Variants in XKR4 observed in about 807,000 individuals in gnomAD.
XKR4 encodes the protein XK-related protein 4.
Under a neutral mutation model 53.9 loss-of-function variants are expected in XKR4, and 12 were observed. That is an observed-to-expected ratio of 0.22 (90% CI 0.14 to 0.36). The LOEUF (loss-of-function observed/expected upper bound fraction) is 0.36, where lower values mean the gene tolerates loss of function less well. XKR4 is among the 10% of genes least tolerant of loss of function. The pLI, the probability that XKR4 is intolerant of heterozygous loss-of-function variation, is 1.00. For synonymous variants in XKR4, 354 were observed against 362.4 expected (o/e 0.98, Z 0.26); for missense variants, 799 against 859.5 (o/e 0.93, Z 0.88).
At chr8:55,269,588 G>A (rs1456536313) in intron 1 of XKR4, among the ~76,000 whole-genome samples, 1 of 152,100 alleles carries the variant, frequency 6.6e-6, no homozygotes, top group Non-Finnish European at 1.5e-5. Flanking sequence ...AATGAAGGGA[G>A]GAGGGATTAT....
chr8:55,164,326 A>C lies in XKR4; in HGVS notation c.806+61032A>C, dbSNP rs2291184. On this transcript the variant is annotated intron_variant, in intron 1 of 2. Transcript: ENST00000327381. ...GATGCTGTCAGCTATTGCTATTTGG[A>C]GGGTGAGATGACCCCTGAGTAGAAA... 7 of 454,572 alleles carry C rather than the reference A, an allele frequency of 1.5e-5. No homozygotes were observed. The East Asian group carries it at 4.9e-4, about 32-fold the overall frequency. The allele number at this position is 454,572 out of a possible 1,614,324, so 28.2% of individuals were successfully genotyped here.
chr8:55,232,046 G>A (rs1360456351), intron 1 of XKR4, among the ~76,000 whole-genome samples: 1 of 152,196 alleles, frequency 6.6e-6, no homozygotes, highest in Admixed American at 6.5e-5. Flanking sequence ...GCTCCTAAAA[G>A]AAAGACATGG....
At chr8:55,347,301 C>A (rs1320693916) in intron 1 of XKR4, among the ~76,000 whole-genome samples, 1 of 152,272 alleles carries the variant, frequency 6.6e-6, no homozygotes. Flanking sequence ...AATTTAAATG[C>A]AATTTACATG....
intron 2 of XKR4, among the ~76,000 whole-genome samples, chr8:55,468,291 C>T (rs1193237085): frequency 1.3e-5 from 2 of 152,060 alleles, no homozygotes; most frequent in East Asian, 1.9e-4. Context: ...CAGGACGCAG[C>T]GTGTCAACTT....
chr8:55,435,891 C>T (rs2622598), intron 2 of XKR4, among the ~76,000 whole-genome samples: 49,089 of 151,900 alleles, frequency 0.32, 8,068 homozygotes, highest in African/African-American at 0.37. Flanking sequence ...AAGTTAGCTG[C>T]CCTGAAACCC....
intron 1 of XKR4, among the ~76,000 whole-genome samples, chr8:55,323,705 C>A (rs1349440267): frequency 2.0e-5 from 3 of 152,100 alleles, no homozygotes; most frequent in Non-Finnish European, 4.4e-5. Flanking sequence ...GTGTAAATAC[C>A]AAGAAGTGGG....
intron 1 of XKR4, chr8:55,164,142 A>G (rs1386088012): frequency 2.2e-6 from 1 of 455,394 alleles, no homozygotes; most frequent in Non-Finnish European, 4.4e-6. Flanking sequence ...CCAGCCCTAC[A>G]GGAGTTTGCT....
At chr8:55,421,128 A>G (rs1804922523) in intron 2 of XKR4, among the ~76,000 whole-genome samples, 1 of 152,232 alleles carries the variant, frequency 6.6e-6, no homozygotes, top group South Asian at 2.1e-4. Flanking sequence ...CTCTCTTCTA[A>G]TAATAATAGT....
At chr8:55,156,571 C>T (rs1563470511) in intron 1 of XKR4, among the ~76,000 whole-genome samples, 1 of 152,054 alleles carries the variant, frequency 6.6e-6, no homozygotes, top group Non-Finnish European at 1.5e-5. Context: ...TTGGCGATAA[C>T]TGAAGAAATG....
At chr8:55,443,529 TTAAAA>T (rs1805299889) in intron 2 of XKR4, among the ~76,000 whole-genome samples, 1 of 30,132 alleles carries the variant, frequency 3.3e-5, no homozygotes, top group Non-Finnish European at 6.5e-5. Flanking sequence ...ATCAGTTACA[TTAAAA>T]AAAAAAAAAA....
chr8:55,279,976 G>A (rs961224862), intron 1 of XKR4, among the ~76,000 whole-genome samples: 7 of 152,234 alleles, frequency 4.6e-5, no homozygotes, highest in African/African-American at 1.2e-4. Flanking sequence ...CATTGTTCTC[G>A]AAGAGATACA....
chr8:55,133,346 A>G (rs1490570612), intron 1 of XKR4, among the ~76,000 whole-genome samples: 1 of 152,238 alleles, frequency 6.6e-6, no homozygotes, highest in African/African-American at 2.4e-5. Flanking sequence ...TTGCACAGGA[A>G]TGTGGATAAA....
At chr8:55,343,109 G>T (rs757593302) in intron 1 of XKR4, among the ~76,000 whole-genome samples, 5 of 152,180 alleles carry the variant, frequency 3.3e-5, no homozygotes, top group Non-Finnish European at 7.4e-5. Context: ...TTCTCGAGAA[G>T]GGCTCTGCAT....
At chr8:55,445,391 G>A (rs1046163134) in intron 2 of XKR4, among the ~76,000 whole-genome samples, 1 of 152,078 alleles carries the variant, frequency 6.6e-6, no homozygotes, top group Non-Finnish European at 1.5e-5. Context: ...ATGTTGGGTG[G>A]GAGAGGCAAA....
intron 1 of XKR4, among the ~76,000 whole-genome samples, chr8:55,162,773 A>G (rs78013402): frequency 0.031 from 4,738 of 152,206 alleles, 245 homozygotes; most frequent in African/African-American, 0.11. Context: ...TATTTAAACT[A>G]CTTGGTTAGA....
At chr8:55,362,609 C>T (rs1232063043) in intron 2 of XKR4, among the ~76,000 whole-genome samples, 1 of 152,206 alleles carries the variant, frequency 6.6e-6, no homozygotes, top group Non-Finnish European at 1.5e-5. Flanking sequence ...CCATGTCTGT[C>T]TAAATGACGC....
At chr8:55,182,302 C>CACACTTTGGGTGCATTTCTTTTATGGATT (rs1191920123) in intron 1 of XKR4, among the ~76,000 whole-genome samples, 1 of 151,972 alleles carries the variant, frequency 6.6e-6, no homozygotes, top group African/African-American at 2.4e-5. Context: ...TTTTATGGAT[C>CACACTTTGGGTGCATTTCTTTTATGGATT]ACACTTTGGG....
chr8:55,418,829 T>C (rs940982348), intron 2 of XKR4, among the ~76,000 whole-genome samples: 1 of 151,818 alleles, frequency 6.6e-6, no homozygotes, highest in African/African-American at 2.4e-5. Context: ...AAAGTCGCCT[T>C]CTCATCACGA....
rs1563375739 is a variant in XKR4 at position 55,534,767 on chromosome 8, G to GC, written c.*10540_*10541insC. 7.2e-6 allele frequency: 1 copy of GC among 138,280 alleles called. No individual in the cohort carries two copies. Among genetic ancestry groups the GC allele is most frequent in the Non-Finnish European group, 1.6e-5 (1 of 63,260 alleles). The allele number at this position is 138,280 out of a possible 1,614,324, so 8.6% of individuals were successfully genotyped here. A position where few individuals can be genotyped will look rare whatever the true frequency, so the allele number is the denominator to read the frequency against. On this transcript the variant is annotated 3_prime_UTR_variant, in exon 3 of 3. Transcript: ENST00000327381. The stretch of plus-strand genomic sequence containing the variant: ...TCTTTCTCCCTTGCTTCTGGGTTTT[G>GC]TTTTTTTTTTTTCAAAGAAAGATTT...
Sources: gnomAD v4.1 joint callset for allele counts (sites outside exome capture counted in the v4.1 genomes callset) on GRCh38, gnomAD v4.1.1 for gene constraint, MANE v1.5 for transcripts, NCBI Gene and HGNC (gene_info 2026-07-23, HGNC 2026-07-21) for gene names.